The following MAGI2 variants were observed in gnomAD, a reference collection of about 807,000 sequenced individuals.
MAGI2 encodes membrane associated guanylate kinase, WW and PDZ domain containing 2, also known as membrane-associated guanylate kinase, WW and PDZ domain-containing protein 2.
MAGI2 carries 35 observed loss-of-function variants against 133.3 expected under a neutral mutation model. The observed-to-expected ratio is 0.26, with a 90% CI of 0.20 to 0.35. The LOEUF (loss-of-function observed/expected upper bound fraction) is 0.35. Ranked by LOEUF, MAGI2 falls within the 10% of genes least tolerant of loss-of-function variation. The pLI is 1.00. For missense variants in MAGI2, 1,636 were observed against 1,863.4 expected, an observed-to-expected ratio of 0.88 and a Z score of 2.25; for synonymous variants, 729 against 710.6, an observed-to-expected ratio of 1.03 and a Z score of -0.41.
chr7:78,527,006 C>CAAAAAAAAAAAAAAAAAAA (rs55707442), intron 3 of MAGI2, among the ~76,000 whole-genome samples: 98 of 45,396 alleles, frequency 2.2e-3, no homozygotes, highest in Non-Finnish European at 3.1e-3. Flanking sequence ...GACTCCATCT[C>CAAAAAAAAAAAAAAAAAAA]AAAAAAAAAA....
At chr7:78,630,506 T>G (rs958395778) in intron 2 of MAGI2, among the ~76,000 whole-genome samples, 25 of 146,994 alleles carry the variant, frequency 1.7e-4, no homozygotes, top group African/African-American at 6.0e-4. Context: ...AACTTCTGCC[T>G]CCAGGGTTCA....
intron 6 of MAGI2, among the ~76,000 whole-genome samples, chr7:78,446,158 AT>A (rs1788117301): frequency 1.5e-5 from 1 of 66,870 alleles, no homozygotes; most frequent in African/African-American, 3.5e-5. Flanking sequence ...TGTTTAACTT[AT>A]TTTTTATGAT....
intron 2 of MAGI2, among the ~76,000 whole-genome samples, chr7:78,853,329 G>GTTTTT (rs1563581211): frequency 2.1e-5 from 1 of 47,210 alleles, no homozygotes; most frequent in Non-Finnish European, 4.0e-5. Context: ...TTGTCCATTC[G>GTTTTT]TTCTTTTTTT....
chr7:78,876,260 TGTA>T (rs1183861150), intron 2 of MAGI2, among the ~76,000 whole-genome samples: 4 of 140,176 alleles, frequency 2.9e-5, no homozygotes, highest in South Asian at 2.2e-4. Flanking sequence ...AGGTGGACAT[TGTA>T]GTGAGCCGAG....
chr7:79,069,902 T>C (rs1814781875), intron 1 of MAGI2, among the ~76,000 whole-genome samples: 1 of 152,212 alleles, frequency 6.6e-6, no homozygotes, highest in Non-Finnish European at 1.5e-5. Flanking sequence ...GGGTTGAAAA[T>C]TCTTTTCTTT....
At chr7:79,420,197 T>C (rs534015982) in intron 1 of MAGI2, among the ~76,000 whole-genome samples, 1 of 152,166 alleles carries the variant, frequency 6.6e-6, no homozygotes, top group Admixed American at 6.5e-5. Flanking sequence ...AACTGCATTA[T>C]GAAATAATAC....
intron 10 of MAGI2, among the ~76,000 whole-genome samples, chr7:78,209,032 C>A (rs12667656): frequency 0.22 from 32,371 of 147,680 alleles, 3,920 homozygotes; most frequent in Non-Finnish European, 0.26. Flanking sequence ...ACCATCTGGG[C>A]TAACACGGTG....
At chr7:78,720,942 A>G (rs1163438911) in intron 2 of MAGI2, among the ~76,000 whole-genome samples, 1 of 152,098 alleles carries the variant, frequency 6.6e-6, no homozygotes, top group Non-Finnish European at 1.5e-5. Context: ...AATGCCACAC[A>G]GTATGTAAGG....
rs535668137 is a variant in MAGI2, at chr7:78,143,087, G to C, written c.2846-7881C>G. On this transcript the variant is annotated intron_variant, in intron 16 of 21. Transcript: ENST00000354212. ...GTATTTCCATTGCCCAATAAAACCA[G>C]CAACTCAGGACTTTCCAATCAAGGG... is the stretch of plus-strand genomic sequence containing the variant. 6.0e-4 allele frequency among the ~76,000 whole-genome samples: 91 copies of C among 152,276 alleles called. 1 individual carries two copies. Among genetic ancestry groups the C allele is most frequent in the Admixed American group, 1.2e-3 (19 of 15,292 alleles).
At chr7:79,013,699 T>C (rs558693952) in intron 1 of MAGI2, among the ~76,000 whole-genome samples, 1 of 152,244 alleles carries the variant, frequency 6.6e-6, no homozygotes, top group South Asian at 2.1e-4. Flanking sequence ...GTCTTTGATT[T>C]CTGATGATCT....
chr7:78,033,218 G>A (rs1809779838), intron 21 of MAGI2, among the ~76,000 whole-genome samples: 1 of 152,112 alleles, frequency 6.6e-6, no homozygotes, highest in African/African-American at 2.4e-5. Context: ...TGAATGTGGG[G>A]TGTGAGGAAA....
At chr7:79,252,727 A>G (rs1265998361) in intron 1 of MAGI2, among the ~76,000 whole-genome samples, 1 of 152,198 alleles carries the variant, frequency 6.6e-6, no homozygotes, top group Non-Finnish European at 1.5e-5. Flanking sequence ...TGATAAATAA[A>G]TATACCTACT....
At chr7:78,689,225 A>G (rs888095779) in intron 2 of MAGI2, among the ~76,000 whole-genome samples, 3 of 152,184 alleles carry the variant, frequency 2.0e-5, no homozygotes, top group Non-Finnish European at 2.9e-5. Context: ...TATCTATCCT[A>G]TTGCAGAGTT....
intron 1 of MAGI2, among the ~76,000 whole-genome samples, chr7:79,426,493 A>T (rs1847379413): frequency 6.6e-6 from 1 of 152,158 alleles, no homozygotes; most frequent in Non-Finnish European, 1.5e-5. Context: ...AAATTAAGAA[A>T]TTTCTCATTT....
At chr7:78,237,843 A>G (rs927551272) in intron 10 of MAGI2, among the ~76,000 whole-genome samples, 8 of 152,312 alleles carry the variant, frequency 5.3e-5, no homozygotes, top group Admixed American at 3.9e-4. Flanking sequence ...AACATGAAAG[A>G]AGCTTTGTTT....
At chr7:78,655,409 C>T (rs1349670149) in intron 2 of MAGI2, among the ~76,000 whole-genome samples, 1 of 35,822 alleles carries the variant, frequency 2.8e-5, no homozygotes, top group Non-Finnish European at 5.5e-5. Flanking sequence ...ATACAAAAAA[C>T]AAAACAAAAC....
intron 1 of MAGI2, among the ~76,000 whole-genome samples, chr7:79,372,854 C>T (rs765717852): frequency 3.3e-5 from 5 of 151,996 alleles, no homozygotes; most frequent in Non-Finnish European, 7.4e-5. Flanking sequence ...ACTGAAGTCT[C>T]TAAATATATT....
At chr7:79,327,369 A>T (rs1190892122) in intron 1 of MAGI2, among the ~76,000 whole-genome samples, 1 of 152,252 alleles carries the variant, frequency 6.6e-6, no homozygotes, top group East Asian at 1.9e-4. Context: ...ATGCTTATAG[A>T]CAGAGTAGAT....
At chr7:78,437,552 C>T (rs1275890804) in intron 6 of MAGI2, among the ~76,000 whole-genome samples, 1 of 152,150 alleles carries the variant, frequency 6.6e-6, no homozygotes, top group Non-Finnish European at 1.5e-5. Flanking sequence ...TTTCATTCAG[C>T]CTCTGTGCCC....
Sources: gnomAD v4.1 joint callset for allele counts (sites outside exome capture counted in the v4.1 genomes callset) on GRCh38, gnomAD v4.1.1 for gene constraint, MANE v1.5 for transcripts, NCBI Gene and HGNC (gene_info 2026-07-23, HGNC 2026-07-21) for gene names.